The following SULT4A1 variants were observed in gnomAD, a reference collection of about 807,000 sequenced individuals.
SULT4A1 encodes the protein sulfotransferase 4A1.
Under a neutral mutation model 35.2 loss-of-function variants are expected in SULT4A1, and 11 were observed. That is an observed-to-expected ratio of 0.31 (90% CI 0.20 to 0.52). The LOEUF (loss-of-function observed/expected upper bound fraction) is 0.52. Ranked by LOEUF, SULT4A1 falls within the 20% of genes least tolerant of loss-of-function variation. The probability of loss-of-function intolerance (pLI) is 0.97; values close to 1 mark genes in which losing one functional copy is unlikely to be tolerated. For missense variants in SULT4A1, 271 were observed against 383.7 expected, an observed-to-expected ratio of 0.71 and a Z score of 2.45; for synonymous variants, 152 against 151.8, an observed-to-expected ratio of 1.00 and a Z score of -0.01.
intron 3 of SULT4A1, 55 bp downstream of exon 3, chr22:43,839,890 T>C: frequency 6.6e-7 from 1 of 1,523,938 alleles, no homozygotes. Context: ...CACAGGGACC[T>C]TGGGCTCCTC....
chr22:43,844,289 C>T (rs572849899), intron 1 of SULT4A1, among the ~76,000 whole-genome samples: 1 of 152,198 alleles, frequency 6.6e-6, no homozygotes, highest in Non-Finnish European at 1.5e-5. Flanking sequence ...ATGTGGCCAA[C>T]GGGAAGAGCC....
chr22:43,831,769 C>T (rs897148365), intron 5 of SULT4A1, among the ~76,000 whole-genome samples: 1 of 152,244 alleles, frequency 6.6e-6, no homozygotes, highest in Non-Finnish European at 1.5e-5. Flanking sequence ...GGAGATGAAA[C>T]CGCGGTGGCC....
At chr22:43,860,847 A>G (rs534298618) in intron 1 of SULT4A1, among the ~76,000 whole-genome samples, 1 of 152,252 alleles carries the variant, frequency 6.6e-6, no homozygotes, top group East Asian at 1.9e-4. Context: ...AGGGCAACGG[A>G]GCACCCATAA....
intron 1 of SULT4A1, among the ~76,000 whole-genome samples, chr22:43,845,638 G>A (rs955576090): frequency 6.6e-6 from 1 of 151,666 alleles, no homozygotes; most frequent in Non-Finnish European, 1.5e-5. Context: ...CTGCCTTCTA[G>A]TCCAGGGGTC....
At position 43,836,612 on chromosome 22, in the gene SULT4A1, TCA is replaced by T. The variant is rs928294981; in HGVS notation, c.508+2253_508+2254del. Among the ~76,000 whole-genome samples the T allele has an allele frequency of 4.0e-5, 5 of 126,234 alleles. 1 individual carries two copies. Among genetic ancestry groups the T allele is most frequent in the Admixed American group, 1.5e-4 (2 of 13,286 alleles). The allele number at this position is 126,234 out of a possible 152,430, so 82.8% of individuals were successfully genotyped here. The stretch of plus-strand genomic sequence containing the variant: ...CAGGGACCCTGTCTACACAGCGTCC[TCA>T]CACTGCAGGTGCCACAGGGATCCTG... On this transcript the variant is annotated intron_variant, in intron 4 of 6. Coordinates refer to ENST00000330884, the MANE Select transcript of SULT4A1 (RefSeq NM_014351.4).
intron 3 of SULT4A1, 67 bp downstream of exon 3, chr22:43,839,878 T>G: frequency 6.8e-7 from 1 of 1,463,540 alleles, no homozygotes. Flanking sequence ...GCATGTGTAT[T>G]GCACAGGGAC....
intron 4 of SULT4A1, among the ~76,000 whole-genome samples, chr22:43,834,300 G>GCGCCCCCACCGCGGCCCTGAGCTTCCCA (rs2063348502): frequency 6.7e-6 from 1 of 148,720 alleles, no homozygotes; most frequent in Non-Finnish European, 1.5e-5. Flanking sequence ...TGTGCTTCCC[G>GCGCCCCCACCGCGGCCCTGAGCTTCCCA]CGCCCCCACC....
intron 1 of SULT4A1, among the ~76,000 whole-genome samples, chr22:43,860,666 G>T (rs946245997): frequency 6.6e-6 from 1 of 151,456 alleles, no homozygotes; most frequent in South Asian, 2.1e-4. Context: ...AGTAGCAGAT[G>T]GAAGGAAAGG....
intron 1 of SULT4A1, among the ~76,000 whole-genome samples, chr22:43,846,421 A>C (rs1280112598): frequency 6.6e-6 from 1 of 152,166 alleles, no homozygotes; most frequent in Non-Finnish European, 1.5e-5. Flanking sequence ...TCTTTGCTGC[A>C]CCAGGAGAGC....
At chr22:43,827,743 G>C (rs535729898) in intron 6 of SULT4A1, 203 of 694,100 alleles carry the variant, frequency 2.9e-4, no homozygotes, top group Non-Finnish European at 4.2e-4. Flanking sequence ...GTATGTTCTC[G>C]ACGCTGCTTC....
chr22:43,834,145 C>G (rs2063346407), intron 4 of SULT4A1, among the ~76,000 whole-genome samples: 1 of 152,182 alleles, frequency 6.6e-6, no homozygotes, highest in Non-Finnish European at 1.5e-5. Flanking sequence ...AGATCCAGAA[C>G]ACGGGGCCCT....
intron 1 of SULT4A1, among the ~76,000 whole-genome samples, chr22:43,856,497 A>C (rs1206421213): frequency 1.3e-5 from 2 of 152,204 alleles, no homozygotes; most frequent in Non-Finnish European, 2.9e-5. Flanking sequence ...CCTGCAGAAG[A>C]CTGCAGCTAG....
chr22:43,826,854 G>A (rs2063290130), intron 6 of SULT4A1: 3 of 985,480 alleles, frequency 3.0e-6, no homozygotes, highest in Non-Finnish European at 2.4e-6. Context: ...ACAGCCCCCA[G>A]CTGCTCTAGC....
intron 5 of SULT4A1, 127 bp downstream of exon 5, chr22:43,833,513 C>T: frequency 3.0e-6 from 2 of 672,530 alleles, no homozygotes; most frequent in East Asian, 2.8e-5. Context: ...CTGTCCCGCC[C>T]CCTCCTCTGT....
At position 43,862,356 on chromosome 22, in the gene SULT4A1, G is replaced by C. The variant is rs2148315265; in HGVS notation, c.27C>G (p.Pro9=). The change falls in exon 1 of 7, where the codon CCC becomes CCG. Residue 9 remains proline (P), a synonymous_variant. Coordinates refer to ENST00000330884, the MANE Select transcript of SULT4A1 (RefSeq NM_014351.4). MAESEAET[P]STPGEFESKY... The stretch of plus-strand genomic sequence containing the variant: ...TGCTCTCGAACTCCCCCGGGGTGCT[G>C]GGGGTCTCGGCCTCGCTCTCCGCCA... 6.7e-7 allele frequency: 1 copy of C among 1,500,998 alleles called. No individual in the cohort carries two copies. Among genetic ancestry groups the C allele is most frequent in the Non-Finnish European group, 8.9e-7 (1 of 1,117,678 alleles). The allele number at this position is 1,500,998 out of a possible 1,614,324, so 93.0% of individuals were successfully genotyped here. A position where few individuals can be genotyped will look rare whatever the true frequency, so the allele number is the denominator to read the frequency against.
chr22:43,856,890 C>A (rs936766224), intron 1 of SULT4A1, among the ~76,000 whole-genome samples: 1 of 152,140 alleles, frequency 6.6e-6, no homozygotes, highest in Admixed American at 6.5e-5. Flanking sequence ...TCTCTACTAT[C>A]TAATATGCTG....
chr22:43,862,489 G>A lies in SULT4A1; in HGVS notation c.-107C>T. On this transcript the variant is annotated 5_prime_UTR_variant, in exon 1 of 7. Coordinates refer to ENST00000330884, the MANE Select transcript of SULT4A1 (RefSeq NM_014351.4). ...GCACACGCTCGCGCCCCACCGGCGCGCGGCGGCAGCTCCGCAGGCGTGACG... is the reference window on the plus strand; with the variant it reads ...GCACACGCTCGCGCCCCACCGGCGCACGGCGGCAGCTCCGCAGGCGTGACG... 11 of 946,202 alleles carry A rather than the reference G, an allele frequency of 1.2e-5. No individual in the cohort carries two copies. The highest frequency in any genetic ancestry group is 1.4e-5 in the Non-Finnish European group (11 of 798,220). 58.6% of individuals were successfully genotyped at this position (946,202 alleles called of 1,614,324 possible).
Position 43,829,166 on chromosome 22 carries a change from T to G in SULT4A1, c.636A>C (p.Arg212Ser), listed in dbSNP as rs1310081712. ...CCTTGTCACAGGACACCCCCAGGAA[T>G]CTGGCCAGCTGCTCCACCATCGTCA... ...DLVTMVEQLA[R>S]FLGVSCDKAQ... Residue 212 changes from arginine to serine, a missense_variant, in exon 6 of 7, where the codon AGA becomes AGC. Around this residue, in one of 3 missense-constraint regions of SULT4A1, gnomAD observed 75 missense variants for 67.7 expected, o/e 1.11. Coordinates refer to ENST00000330884, the MANE Select transcript of SULT4A1 (RefSeq NM_014351.4). The G allele has an allele frequency of 6.4e-7, 1 of 1,566,108 alleles. No homozygotes were observed. Among genetic ancestry groups the G allele is most frequent in the Non-Finnish European group, 8.7e-7 (1 of 1,155,524 alleles).
chr22:43,857,408 G>GAAGAAAAC (rs1393214798), intron 1 of SULT4A1, among the ~76,000 whole-genome samples: 7 of 148,980 alleles, frequency 4.7e-5, no homozygotes, highest in Admixed American at 6.7e-5. Context: ...AAAAAAGAGG[G>GAAGAAAAC]AAGAAAACAG....
Sources: gnomAD v4.1 joint callset for allele counts (sites outside exome capture counted in the v4.1 genomes callset) on GRCh38, gnomAD v4.1.1 for gene constraint, gnomAD v4.1.1 regional missense constraint, MANE v1.5 for transcripts, NCBI Gene and HGNC (gene_info 2026-07-23, HGNC 2026-07-21) for gene names.